Variants in GRIN2D observed in about 807,000 individuals in gnomAD.
The protein encoded by GRIN2D is glutamate ionotropic receptor NMDA type subunit 2D, also known as glutamate receptor ionotropic, NMDA 2D.
In GRIN2D, 37 loss-of-function variants were observed where a neutral mutation model predicts 103.2. The ratio of observed to expected loss-of-function variants is 0.36; its 90% confidence interval spans 0.28 to 0.47. The LOEUF (loss-of-function observed/expected upper bound fraction) is 0.47. Ranked by LOEUF, GRIN2D falls within the 20% of genes least tolerant of loss-of-function variation. GRIN2D has a pLI of 1.00. For missense variants in GRIN2D, 1,557 were observed against 1,910.6 expected (o/e 0.81, Z 3.45); for synonymous variants, 845 against 885.6 (o/e 0.95, Z 0.81).
intron 11 of GRIN2D, 140 bp from the exon 12 acceptor site, chr19:48,441,629 A>G: frequency 1.6e-6 from 1 of 623,138 alleles, no homozygotes; most frequent in Non-Finnish European, 2.8e-6. Context: ...TGAGGCACTG[A>G]GAAGTGCAAT....
rs887601815 is a variant in GRIN2D, at chr19:48,442,736, G to A, written c.2810G>A (p.Arg937His). Residue 937 changes from arginine (R) to histidine (H), a missense_variant, in exon 14 of 14, where the codon CGC (arginine) becomes CAC (histidine). Arg to His is a conservative substitution (Grantham distance 29). Coordinates refer to ENST00000263269, the MANE Select transcript of GRIN2D (RefSeq NM_000836.4). The surrounding 1 kb of genome is among the most constrained non-coding windows in gnomAD (Gnocchi z 7.2). ...PGPAPFVPRE[R>H]ASVDRWRRTK... is the part of the protein sequence containing the mutation. ...CCCGCACCTTTCGTGCCCCGCGAGC[G>A]CGCCTCAGTGGACCGCTGGCGCCGG... 1 of 1,103,916 alleles carries A rather than the reference G, an allele frequency of 9.1e-7. No individual in the cohort carries two copies. The highest frequency in any genetic ancestry group is 1.1e-6 in the Non-Finnish European group (1 of 905,694). 68.4% of individuals were successfully genotyped at this position (1,103,916 alleles called of 1,614,324 possible).
chr19:48,436,182 A>G (rs1056604399), intron 11 of GRIN2D, among the ~76,000 whole-genome samples: 2 of 152,124 alleles, frequency 1.3e-5, no homozygotes, highest in African/African-American at 4.8e-5. Flanking sequence ...TATCACTCAC[A>G]TCAGTCTGCC....
chr19:48,415,082 C>T (rs367683444), intron 7 of GRIN2D, 50 bp downstream of exon 7: 20 of 1,475,672 alleles, frequency 1.4e-5, no homozygotes, highest in Middle Eastern at 1.8e-4. Context: ...AGTCGAGAGG[C>T]GGGCACAGCC....
intron 11 of GRIN2D, among the ~76,000 whole-genome samples, chr19:48,426,928 G>A (rs1166915661): frequency 4.6e-5 from 7 of 152,018 alleles, no homozygotes; most frequent in Non-Finnish European, 7.4e-5. Flanking sequence ...ACAAGTGTTT[G>A]GGGGACATAC....
Position 48,442,092 on chromosome 19 carries a change from C to A in GRIN2D, c.2441-58C>A. 6.5e-7 allele frequency: 1 copy of A among 1,549,660 alleles called. No individual in the cohort carries two copies. Among genetic ancestry groups the A allele is most frequent in the Non-Finnish European group, 8.9e-7 (1 of 1,125,998 alleles). On this transcript the variant is annotated intron_variant, in intron 12 of 13. Coordinates refer to ENST00000263269, the MANE Select transcript of GRIN2D (RefSeq NM_000836.4). This position sits in a 1 kb window ranked among gnomAD's most constrained non-coding sequence, Gnocchi z 7.2. ...GCTAAGGGCCTACATTCCCACATCA[C>A]AGACAAGGGTCCTCAGAGGGTACTC...
At chr19:48,417,330 G>T (rs548594690) in intron 8 of GRIN2D, among the ~76,000 whole-genome samples, 16 of 152,128 alleles carry the variant, frequency 1.1e-4, no homozygotes, top group Non-Finnish European at 1.9e-4. Flanking sequence ...ACAGAGTGGG[G>T]GTGTGCAATA....
At position 48,405,180 on chromosome 19, in the gene GRIN2D, G is replaced by A; in HGVS notation, c.912G>A (p.Leu304=). ...GAGGCGCCCCCCTGCCTGCCGGGCT[G>A]TTTGCAGTGCGCTCGGCTGGCTGGC... ...LPGGAPLPAG[L]FAVRSAGWRD... Residue 304 remains leucine, a synonymous_variant, in exon 4 of 14, where the codon CTG becomes CTA. Coordinates refer to ENST00000263269, the MANE Select transcript of GRIN2D (RefSeq NM_000836.4). The surrounding 1 kb of genome is among the most constrained non-coding windows in gnomAD (Gnocchi z 5.1). 1 of 1,598,712 alleles carries A rather than the reference G, an allele frequency of 6.3e-7. No individual in the cohort carries two copies. The highest frequency in any genetic ancestry group is 8.5e-7 in the Non-Finnish European group (1 of 1,175,104).
intron 3 of GRIN2D, among the ~76,000 whole-genome samples, chr19:48,401,411 AT>A (rs1450664436): frequency 6.6e-6 from 1 of 152,180 alleles, no homozygotes; most frequent in African/African-American, 2.4e-5. Flanking sequence ...GTTTCAATAG[AT>A]GGCAGTCAGG....
chr19:48,425,128 A>T (rs564137645), intron 11 of GRIN2D, among the ~76,000 whole-genome samples: 5 of 151,696 alleles, frequency 3.3e-5, no homozygotes, highest in Admixed American at 3.3e-4. Context: ...GATGGCTGCA[A>T]ACAGAATCAC....
At chr19:48,433,245 G>A (rs1338820365) in intron 11 of GRIN2D, among the ~76,000 whole-genome samples, 1 of 151,750 alleles carries the variant, frequency 6.6e-6, no homozygotes, top group Non-Finnish European at 1.5e-5. Flanking sequence ...GTGGGCGCCT[G>A]TAATCCCAGC....
At chr19:48,424,265 A>ATTTTTT (rs569050730) in intron 11 of GRIN2D, among the ~76,000 whole-genome samples, 2 of 101,376 alleles carry the variant, frequency 2.0e-5, no homozygotes, top group Non-Finnish European at 1.9e-5. Context: ...AAAAAAAAAA[A>ATTTTTT]TTTTTTTTTT....
chr19:48,422,455 A>G (rs1374517644), intron 11 of GRIN2D, among the ~76,000 whole-genome samples: 1 of 152,092 alleles, frequency 6.6e-6, no homozygotes, highest in East Asian at 1.9e-4. Context: ...TACAAAAAAT[A>G]CAAAAATTAG....
chr19:48,412,701 A>C (rs577683814), intron 4 of GRIN2D, among the ~76,000 whole-genome samples: 2 of 151,864 alleles, frequency 1.3e-5, no homozygotes, highest in Non-Finnish European at 2.9e-5. Context: ...AGGCAGGAGA[A>C]TTGCTTGAAC....
intron 11 of GRIN2D, 124 bp from the exon 12 acceptor site, chr19:48,441,645 G>C: frequency 1.5e-6 from 1 of 687,964 alleles, no homozygotes; most frequent in Non-Finnish European, 2.4e-6. Context: ...GCAATGATTT[G>C]CTCAAGAGCT....
At chr19:48,428,436 C>T (rs941464321) in intron 11 of GRIN2D, among the ~76,000 whole-genome samples, 7 of 150,682 alleles carry the variant, frequency 4.6e-5, no homozygotes, top group African/African-American at 1.7e-4. Context: ...TCTCGGCTCA[C>T]TGCAACCTCC....
chr19:48,437,019 A>T (rs1971240572), intron 11 of GRIN2D, among the ~76,000 whole-genome samples: 1 of 152,206 alleles, frequency 6.6e-6, no homozygotes, highest in Non-Finnish European at 1.5e-5. Context: ...CTGGTGACAG[A>T]GTGGGAACAA....
intron 3 of GRIN2D, among the ~76,000 whole-genome samples, chr19:48,401,016 G>A (rs1017040379): frequency 9.9e-5 from 15 of 151,322 alleles, no homozygotes; most frequent in Non-Finnish European, 1.9e-4. Context: ...GCAGTGAGCC[G>A]AGATTGCAGT....
chr19:48,411,326 A>AAATAATAAT lies in GRIN2D; in HGVS notation c.1086-2630_1086-2622dup, dbSNP rs200053542. ...GGTGACAGAGTGAGACCCCGTCTCA[A>AAATAATAAT]AATAATAATAATAATAATAATAATA... On this transcript the variant is annotated intron_variant, in intron 4 of 13. Coordinates refer to ENST00000263269, the MANE Select transcript of GRIN2D (RefSeq NM_000836.4). Among the ~76,000 whole-genome samples, 309 of 138,222 alleles carry AAATAATAAT rather than the reference A, an allele frequency of 2.2e-3. 2 individuals carry two copies. Among genetic ancestry groups the AAATAATAAT allele is most frequent in the African/African-American group, 4.0e-3 (147 of 36,672 alleles). 90.7% of individuals were successfully genotyped at this position (138,222 alleles called of 152,430 possible).
At chr19:48,410,194 G>A (rs753635675) in intron 4 of GRIN2D, among the ~76,000 whole-genome samples, 4 of 150,544 alleles carry the variant, frequency 2.7e-5, no homozygotes, top group Non-Finnish European at 5.9e-5. Context: ...CAGATGGTGG[G>A]ACCACAATAG....
Sources: allele counts gnomAD v4.1 joint callset (sites outside exome capture counted in the v4.1 genomes callset), GRCh38; gene constraint gnomAD v4.1.1; non-coding constraint Gnocchi (gnomAD v3.1); transcripts MANE v1.5; gene names NCBI Gene and HGNC (gene_info 2026-07-23, HGNC 2026-07-21).